STARD13: variants seen among roughly 807,000 people sequenced by gnomAD.
STARD13 encodes stAR-related lipid transfer protein 13.
In STARD13, 62 loss-of-function variants were observed where a neutral mutation model predicts 106.4. The observed-to-expected ratio is 0.58, with a 90% CI of 0.48 to 0.72. STARD13 has a LOEUF of 0.72. Ranked by LOEUF, STARD13 falls within the 30% of genes least tolerant of loss-of-function variation. STARD13 has a pLI of 0.00. For synonymous variants in STARD13, 565 were observed against 553.0 expected (o/e 1.02, Z -0.31); for missense variants, 1,387 against 1,424.0 (o/e 0.97, Z 0.42).
the STARD13 span, among the ~76,000 whole-genome samples, chr13:33,551,543 T>TACAAGAGACA: frequency 1.1e-3 from 160 of 144,006 alleles, 1 homozygote; most frequent in African/African-American, 3.8e-3. Context: ...ATCTTCTGTC[T>TACAAGAGACA]ACAAGAGACA....
the STARD13 span, among the ~76,000 whole-genome samples, chr13:33,422,890 A>G: frequency 2.6e-4 from 40 of 152,266 alleles, no homozygotes; most frequent in Admixed American, 2.4e-3. Context: ...CTGGCCAGCC[A>G]TATGTAGAAA....
At chr13:33,401,899 A>G in the STARD13 span, among the ~76,000 whole-genome samples, 1 of 152,158 alleles carries the variant, frequency 6.6e-6, no homozygotes, top group South Asian at 2.1e-4. Flanking sequence ...ACATCAAAGT[A>G]TTTTTGAATC....
At chr13:33,333,338 A>T (rs1212134928) in intron 1 of STARD13, among the ~76,000 whole-genome samples, 1 of 152,218 alleles carries the variant, frequency 6.6e-6, no homozygotes, top group Non-Finnish European at 1.5e-5. Context: ...CAGTGAGCCA[A>T]GATCATGCCA....
chr13:33,659,061 C>T, the STARD13 span, among the ~76,000 whole-genome samples: 1 of 152,094 alleles, frequency 6.6e-6, no homozygotes, highest in Non-Finnish European at 1.5e-5. Flanking sequence ...ATCTGTTCAT[C>T]TGCATCCTTT....
chr13:33,181,918 TG>T (rs66993679), intron 1 of STARD13, among the ~76,000 whole-genome samples: 69,705 of 151,962 alleles, frequency 0.46, 16,400 homozygotes, highest in African/African-American at 0.57. Flanking sequence ...AAGATTTCCC[TG>T]TTTTCCCACA....
chr13:33,612,991 G>T, the STARD13 span, among the ~76,000 whole-genome samples: 1 of 152,150 alleles, frequency 6.6e-6, no homozygotes, highest in East Asian at 1.9e-4. Context: ...CAACTTCAAA[G>T]TTCAAATTGT....
chr13:33,142,499 T>A, intron 3 of STARD13, 126 bp from the exon 4 acceptor site: 1 of 797,486 alleles, frequency 1.3e-6, no homozygotes, highest in Non-Finnish European at 2.1e-6. Context: ...CCCAAGACAG[T>A]ACTGCACCCA....
the STARD13 span, among the ~76,000 whole-genome samples, chr13:33,487,687 C>T: frequency 1.3e-5 from 2 of 152,202 alleles, no homozygotes; most frequent in African/African-American, 2.4e-5. Flanking sequence ...ATTACAATGC[C>T]CTTACTCTCC....
At chr13:33,503,438 TA>T in the STARD13 span, among the ~76,000 whole-genome samples, 1 of 152,216 alleles carries the variant, frequency 6.6e-6, no homozygotes, top group Non-Finnish European at 1.5e-5. Context: ...TGAATGTGTT[TA>T]CTCTTGCTTC....
the STARD13 span, among the ~76,000 whole-genome samples, chr13:33,571,892 G>A: frequency 5.3e-5 from 8 of 152,222 alleles, no homozygotes; most frequent in South Asian, 1.5e-3. Context: ...GAGCAGAGGA[G>A]GTACCAAGAA....
chr13:33,430,069 C>T, the STARD13 span, among the ~76,000 whole-genome samples: 2 of 152,072 alleles, frequency 1.3e-5, no homozygotes, highest in African/African-American at 4.8e-5. Context: ...AGGCGCCCGC[C>T]ACCACGCCTG....
At chr13:33,549,697 C>T in the STARD13 span, among the ~76,000 whole-genome samples, 1 of 152,190 alleles carries the variant, frequency 6.6e-6, no homozygotes, top group East Asian at 1.9e-4. Context: ...CGCATTATTG[C>T]TGGTAAAAAC....
At chr13:33,298,135 T>G (rs1488221009) in intron 1 of STARD13, among the ~76,000 whole-genome samples, 9 of 130,114 alleles carry the variant, frequency 6.9e-5, no homozygotes, top group South Asian at 2.8e-4. Flanking sequence ...TTTTTTTTTT[T>G]TTTTTTTTTT....
the STARD13 span, among the ~76,000 whole-genome samples, chr13:33,656,291 G>A: frequency 6.6e-6 from 1 of 152,180 alleles, no homozygotes; most frequent in Non-Finnish European, 1.5e-5. Flanking sequence ...AAAAGCGATA[G>A]AAGGGAGGGA....
Position 33,109,874 on chromosome 13 carries a change from T to G in STARD13, c.3046A>C (p.Arg1016=). Residue 1016 remains arginine, a splice_region_variant and synonymous_variant, in exon 12 of 14, where the codon AGG becomes CGG. Transcript: ENST00000336934. The stretch of plus-strand genomic sequence containing the variant: ...CATAAACCCTAGAGTCAGGCTCACC[T>G]GAGAACCACAAAGTCTCTGGAAGGA... ...PHPSRDFVVL[R]TWKTDLPKGM... 6.2e-7 allele frequency: 1 copy of G among 1,614,136 alleles called. No individual in the cohort carries two copies.
chr13:33,191,066 T>C (rs1356093195), intron 1 of STARD13, among the ~76,000 whole-genome samples: 1 of 152,240 alleles, frequency 6.6e-6, no homozygotes, highest in East Asian at 1.9e-4. Flanking sequence ...TTACAAGGTA[T>C]GTTTATTTTA....
At chr13:33,527,605 T>C in the STARD13 span, among the ~76,000 whole-genome samples, 406 of 152,156 alleles carry the variant, frequency 2.7e-3, 1 homozygote, top group African/African-American at 9.3e-3. Flanking sequence ...GGTGGTGGAC[T>C]GTCCAAGCCA....
the STARD13 span, among the ~76,000 whole-genome samples, chr13:33,429,978 C>T: frequency 9.4e-5 from 14 of 149,576 alleles, no homozygotes; most frequent in African/African-American, 2.5e-4. Flanking sequence ...AGTGCAGTGG[C>T]GCGATCTCGG....
chr13:33,219,253 G>A (rs1888209385), intron 1 of STARD13, among the ~76,000 whole-genome samples: 1 of 152,066 alleles, frequency 6.6e-6, no homozygotes, highest in African/African-American at 2.4e-5. Flanking sequence ...TTTGATGTGT[G>A]TCCCTTTCTT....
Sources: gnomAD v4.1 joint callset for allele counts (sites outside exome capture counted in the v4.1 genomes callset) on GRCh38, gnomAD v4.1.1 for gene constraint, MANE v1.5 for transcripts, NCBI Gene and HGNC (gene_info 2026-07-23, HGNC 2026-07-21) for gene names.